ASRGL1: variants seen among roughly 807,000 people sequenced by gnomAD.
The protein encoded by ASRGL1 is asparaginase and isoaspartyl peptidase 1, also known as isoaspartyl peptidase/L-asparaginase.
Under a neutral mutation model 22.4 loss-of-function variants are expected in ASRGL1, and 16 were observed. That is an observed-to-expected ratio of 0.71 (90% CI 0.48 to 1.08). The LOEUF (loss-of-function observed/expected upper bound fraction) is 1.08, where lower values mean the gene tolerates loss of function less well. Among genes scored for constraint, ASRGL1 ranks in the 50% least tolerant of loss-of-function variants. The pLI is 0.00. For synonymous variants in ASRGL1, 165 were observed against 159.3 expected (o/e 1.04, Z -0.27); for missense variants, 412 against 410.1 (o/e 1.00, Z -0.04).
chr11:62,390,291 G>C (rs979546723), intron 5 of ASRGL1, among the ~76,000 whole-genome samples: 1 of 152,236 alleles, frequency 6.6e-6, no homozygotes, highest in Non-Finnish European at 1.5e-5. Context: ...AGAACTCTCT[G>C]TCCAGCTGTG....
At chr11:62,371,713 G>A in intron 4 of ASRGL1, 1 of 580,156 alleles carries the variant, frequency 1.7e-6, no homozygotes, top group Non-Finnish European at 3.4e-6. Context: ...AGCACTTTGG[G>A]AGGCCGAGGC....
chr11:62,392,559 G>C lies in ASRGL1; in HGVS notation c.*275G>C. ...ACTCCAGCCTGGGCAACAGAGCCAGGCCCTGTATCAAAAAAAAAAAAAAAA... is the reference window on the plus strand; with the variant it reads ...ACTCCAGCCTGGGCAACAGAGCCAGCCCCTGTATCAAAAAAAAAAAAAAAA... On this transcript the variant is annotated 3_prime_UTR_variant, in exon 7 of 7. Transcript: ENST00000415229. The C allele has an allele frequency of 2.5e-6, 1 of 403,982 alleles. No homozygotes were observed. Among genetic ancestry groups the C allele is most frequent in the Non-Finnish European group, 4.4e-6 (1 of 226,658 alleles). 25.0% of individuals were successfully genotyped at this position (403,982 alleles called of 1,614,324 possible). A position where few individuals can be genotyped will look rare whatever the true frequency, so the allele number is the denominator to read the frequency against.
At chr11:62,399,640 A>C in the ASRGL1 span, among the ~76,000 whole-genome samples, 1 of 152,180 alleles carries the variant, frequency 6.6e-6, no homozygotes, top group African/African-American at 2.4e-5. Flanking sequence ...TGGGGAAGGC[A>C]TGAGTGTCCT....
intron 2 of ASRGL1, among the ~76,000 whole-genome samples, chr11:62,339,629 AACTC>A (rs1945816464): frequency 6.6e-6 from 1 of 152,346 alleles, no homozygotes; most frequent in Non-Finnish European, 1.5e-5. Context: ...GTGTTAAACT[AACTC>A]AAGTTAACTC....
At chr11:62,366,250 AGAC>A (rs1461093992) in intron 4 of ASRGL1, among the ~76,000 whole-genome samples, 8 of 146,232 alleles carry the variant, frequency 5.5e-5, no homozygotes. Flanking sequence ...CCACAGAGCA[AGAC>A]TGTCTCAAAA....
chr11:62,372,156 T>G (rs903831105), intron 4 of ASRGL1: 2 of 896,738 alleles, frequency 2.2e-6, no homozygotes, highest in African/African-American at 3.3e-5. Flanking sequence ...AAGGCGCAGC[T>G]GGGACATGGT....
At chr11:62,378,900 A>G (rs1453830810) in intron 4 of ASRGL1, among the ~76,000 whole-genome samples, 3 of 152,174 alleles carry the variant, frequency 2.0e-5, no homozygotes, top group Middle Eastern at 3.4e-3. Flanking sequence ...AGGATACCCT[A>G]TTCCTTTTCT....
downstream of ASRGL1, among the ~76,000 whole-genome samples, chr11:62,395,742 G>C (rs1947424780): frequency 8.0e-6 from 1 of 124,382 alleles, no homozygotes; most frequent in Non-Finnish European, 1.7e-5. Flanking sequence ...CACTGCATTT[G>C]GATTTTGTAG....
At chr11:62,339,900 A>G (rs1945823021) in intron 2 of ASRGL1, among the ~76,000 whole-genome samples, 1 of 152,146 alleles carries the variant, frequency 6.6e-6, no homozygotes, top group African/African-American at 2.4e-5. Context: ...ATCTTAATTA[A>G]TCATCAAATA....
chr11:62,337,815 C>T, intron 1 of ASRGL1, 75 bp from the exon 2 acceptor site: 1 of 708,674 alleles, frequency 1.4e-6, no homozygotes, highest in Non-Finnish European at 2.2e-6. Context: ...GTACCAAGCT[C>T]GACCGAGCCG....
At chr11:62,342,030 C>T (rs1270901840) in intron 2 of ASRGL1, among the ~76,000 whole-genome samples, 1 of 152,052 alleles carries the variant, frequency 6.6e-6, no homozygotes, top group Admixed American at 6.6e-5. Context: ...GCAGTTTTGT[C>T]CCAAGAGTAT....
At chr11:62,350,347 T>C (rs1024106385) in intron 2 of ASRGL1, among the ~76,000 whole-genome samples, 1 of 152,212 alleles carries the variant, frequency 6.6e-6, no homozygotes, top group Admixed American at 6.5e-5. Flanking sequence ...GGAAAGGATA[T>C]TTTGGTTGTT....
At position 62,392,302 on chromosome 11, in the gene ASRGL1, T is replaced by C. The variant is rs1382438434; in HGVS notation, c.*18T>C. 1.9e-6 allele frequency: 3 copies of C among 1,612,132 alleles called. No individual in the cohort carries two copies. The South Asian group carries it at 3.3e-5, about 18-fold the overall frequency. ...TTCCCTAAGCCGCTGGAAGATTGTA[T>C]TCCAGATGCTAGCTTAGAGGTCAAG... is the stretch of plus-strand genomic sequence containing the variant. On this transcript the variant is annotated 3_prime_UTR_variant, in exon 7 of 7. Coordinates refer to ENST00000415229, the MANE Select transcript of ASRGL1 (RefSeq NM_001083926.2).
intron 4 of ASRGL1, among the ~76,000 whole-genome samples, chr11:62,370,555 C>G (rs538776139): frequency 6.7e-4 from 102 of 152,196 alleles, no homozygotes; most frequent in African/African-American, 2.3e-3. Flanking sequence ...TCCTTTTTCT[C>G]CCCATTCCCA....
intron 4 of ASRGL1, among the ~76,000 whole-genome samples, chr11:62,388,669 CA>C (rs772803061): frequency 2.6e-3 from 163 of 62,818 alleles, no homozygotes; most frequent in East Asian, 0.013. Context: ...GACTTCATCT[CA>C]AAAAAAAAAA....
chr11:62,347,996 A>G (rs1042734545), intron 2 of ASRGL1, among the ~76,000 whole-genome samples: 4 of 152,252 alleles, frequency 2.6e-5, no homozygotes, highest in Non-Finnish European at 5.9e-5. Context: ...ACGAAGTACT[A>G]CATTGAATCC....
downstream of ASRGL1, among the ~76,000 whole-genome samples, chr11:62,397,043 T>C (rs1041228927): frequency 6.6e-6 from 1 of 152,160 alleles, no homozygotes; most frequent in Non-Finnish European, 1.5e-5. Flanking sequence ...TTGTTTGTTT[T>C]TTTTGAGACG....
chr11:62,384,532 A>T (rs1054213985), intron 4 of ASRGL1, among the ~76,000 whole-genome samples: 3 of 152,080 alleles, frequency 2.0e-5, no homozygotes, highest in African/African-American at 7.3e-5. Context: ...GATTTTAGGT[A>T]CTCTTACCAC....
intron 4 of ASRGL1, among the ~76,000 whole-genome samples, chr11:62,360,698 T>C (rs1946412099): frequency 6.6e-6 from 1 of 152,202 alleles, no homozygotes; most frequent in Non-Finnish European, 1.5e-5. Context: ...AAGAAAATTA[T>C]TCTCACCAAA....
Sources: gnomAD v4.1 joint callset for allele counts (sites outside exome capture counted in the v4.1 genomes callset) on GRCh38, gnomAD v4.1.1 for gene constraint, MANE v1.5 for transcripts, NCBI Gene and HGNC (gene_info 2026-07-23, HGNC 2026-07-21) for gene names.